CBLC: variants seen among roughly 807,000 people sequenced by gnomAD.
CBLC encodes the protein Cbl proto-oncogene C.
In CBLC, 46 loss-of-function variants were observed where a neutral mutation model predicts 58.6. That is an observed-to-expected ratio of 0.79 (90% CI 0.62 to 1.00). The LOEUF (loss-of-function observed/expected upper bound fraction) is 1.00. Among genes scored for constraint, CBLC ranks in the 50% least tolerant of loss-of-function variants. The pLI is 0.00. For synonymous variants in CBLC, 271 were observed against 264.2 expected, an observed-to-expected ratio of 1.03 and a Z score of -0.25; for missense variants, 655 against 625.8, an observed-to-expected ratio of 1.05 and a Z score of -0.50.
intron 5 of CBLC, among the ~76,000 whole-genome samples, chr19:44,785,733 C>G (rs1967886708): frequency 6.6e-6 from 1 of 151,816 alleles, no homozygotes; most frequent in East Asian, 1.9e-4. Flanking sequence ...ATCAGGAGTT[C>G]AAGAACAGCC....
intron 1 of CBLC, among the ~76,000 whole-genome samples, chr19:44,779,018 G>A (rs1967654248): frequency 2.6e-5 from 4 of 152,168 alleles, no homozygotes; most frequent in Admixed American, 2.0e-4. Flanking sequence ...CATTTCCTTG[G>A]TCACCCAGCA....
rs1173758687 is a variant in CBLC at position 44,782,247 on chromosome 19, G to T, written c.658-123G>T. 4 of 1,389,734 alleles carry T rather than the reference G, an allele frequency of 2.9e-6. No homozygotes were observed. In the African/African-American group the frequency reaches 5.7e-5, roughly 20 times the overall value. 86.1% of individuals were successfully genotyped at this position (1,389,734 alleles called of 1,614,324 possible). A position where few individuals can be genotyped will look rare whatever the true frequency, so the allele number is the denominator to read the frequency against. On this transcript the variant is annotated intron_variant, in intron 3 of 10. Transcript: ENST00000647358. ...AGAAGAGCTTGGGGTCTTGTAAAAGGGATATGCCTGAGGCCCACCATGGGT... is the reference window on the plus strand; with the variant it reads ...AGAAGAGCTTGGGGTCTTGTAAAAGTGATATGCCTGAGGCCCACCATGGGT...
intron 4 of CBLC, among the ~76,000 whole-genome samples, 168 bp downstream of exon 4, chr19:44,782,659 C>T (rs889594928): frequency 1.3e-5 from 2 of 152,088 alleles, no homozygotes; most frequent in South Asian, 2.1e-4. Flanking sequence ...CCTCCCAGCC[C>T]GCCTCTTCTC....
rs763685561 is a variant in CBLC, at chr19:44,797,574, C to CTTTTTT, written c.1363-2797_1363-2792dup. Among the ~76,000 whole-genome samples, 18 of 133,192 alleles carry CTTTTTT rather than the reference C, an allele frequency of 1.4e-4. 2 individuals carry two copies. Among genetic ancestry groups the CTTTTTT allele is most frequent in the East Asian group, 8.7e-4 (4 of 4,578 alleles). 87.4% of individuals were successfully genotyped at this position (133,192 alleles called of 152,430 possible). On this transcript the variant is annotated intron_variant, in intron 9 of 10. Coordinates refer to ENST00000647358, the MANE Select transcript of CBLC (RefSeq NM_012116.4). ...AACTTTTGCTATGTGCCTGGCATTG[C>CTTTTTT]TTTTTTTTTTTTTTTAAGATGGGGT...
chr19:44,797,505 C>G (rs12980982), intron 9 of CBLC, among the ~76,000 whole-genome samples: 2 of 151,878 alleles, frequency 1.3e-5, no homozygotes, highest in Non-Finnish European at 2.9e-5. Flanking sequence ...CCTGCCTCGG[C>G]CTTCTTAAGT....
chr19:44,796,429 G>A (rs1447062337), intron 9 of CBLC, among the ~76,000 whole-genome samples: 3 of 152,030 alleles, frequency 2.0e-5, no homozygotes, highest in African/African-American at 7.2e-5. Flanking sequence ...TGTTGCCCAG[G>A]CTGGAGTGAA....
intron 8 of CBLC, chr19:44,793,969 G>A (rs571579481): frequency 5.0e-4 from 117 of 235,730 alleles, no homozygotes; most frequent in African/African-American, 2.6e-3. Context: ...TAGGAGAGGA[G>A]GGGGCTGATA....
At chr19:44,780,617 C>T (rs920304659) in intron 1 of CBLC, among the ~76,000 whole-genome samples, 2 of 151,294 alleles carry the variant, frequency 1.3e-5, no homozygotes, top group East Asian at 1.9e-4. Flanking sequence ...GGATTATAGG[C>T]GGGCGCCACC....
intron 9 of CBLC, among the ~76,000 whole-genome samples, chr19:44,797,574 C>CTTTTTTTTTTTT (rs763685561): frequency 7.5e-6 from 1 of 133,214 alleles, no homozygotes; most frequent in East Asian, 2.2e-4. Context: ...CCTGGCATTG[C>CTTTTTTTTTTTT]TTTTTTTTTT....
rs978902564 is a variant in CBLC at position 44,799,581 on chromosome 19, C to T, written c.1363-800C>T. Among the ~76,000 whole-genome samples the T allele has an allele frequency of 3.0e-4, 45 of 152,128 alleles. 2 individuals carry two copies. Among genetic ancestry groups the T allele is most frequent in the Non-Finnish European group, 4.4e-5 (3 of 68,040 alleles). ...TCCTGACCTCAGGTGATCCACCCAC[C>T]TCGGCCTCCCAAAGTGCTGGGATTA... On this transcript the variant is annotated intron_variant, in intron 9 of 10. Coordinates refer to ENST00000647358, the MANE Select transcript of CBLC (RefSeq NM_012116.4).
rs754271195 is a variant in CBLC at position 44,781,290 on chromosome 19, GCAC to G, written c.590_592del (p.Thr197del). On this transcript the variant is annotated inframe_deletion, in exon 3 of 11. Coordinates refer to ENST00000647358, the MANE Select transcript of CBLC (RefSeq NM_012116.4). Reference sequence around the variant, plus strand: ...CCAGGCTGCACAGCCCTGGCCTTGCGCACCACCATTGACCTCACCTGCAGCGGG... The same window carrying G: ...CCAGGCTGCACAGCCCTGGCCTTGCGCACCATTGACCTCACCTGCAGCGGG... The G allele has an allele frequency of 3.0e-5, 49 of 1,613,566 alleles. No homozygotes were observed. In the African/African-American group the frequency reaches 5.5e-4, roughly 18 times the overall value.
chr19:44,791,763 T>C (rs1311594721), intron 6 of CBLC, among the ~76,000 whole-genome samples: 2 of 149,178 alleles, frequency 1.3e-5, no homozygotes, highest in African/African-American at 4.9e-5. Context: ...AGTGTAGACA[T>C]GTAGGAGGCC....
intron 9 of CBLC, among the ~76,000 whole-genome samples, chr19:44,799,818 G>A (rs187314812): frequency 7.4e-5 from 11 of 148,196 alleles, no homozygotes; most frequent in South Asian, 2.2e-4. Flanking sequence ...AGGAGAGAGC[G>A]AGAGAGAAAG....
intron 5 of CBLC, among the ~76,000 whole-genome samples, chr19:44,786,452 G>A (rs1270049928): frequency 6.6e-6 from 1 of 151,224 alleles, no homozygotes; most frequent in Non-Finnish European, 1.5e-5. Flanking sequence ...AAAATTAGCC[G>A]GGCGTGGTGG....
intron 9 of CBLC, among the ~76,000 whole-genome samples, chr19:44,794,823 A>G (rs1054052341): frequency 6.6e-6 from 1 of 151,920 alleles, no homozygotes; most frequent in Non-Finnish European, 1.5e-5. Flanking sequence ...GGGCCTTTGC[A>G]TAAGCTGTTC....
At chr19:44,800,038 G>T (rs1421577720) in intron 9 of CBLC, among the ~76,000 whole-genome samples, 29 of 152,130 alleles carry the variant, frequency 1.9e-4, no homozygotes, top group Admixed American at 1.9e-3. Context: ...AGAGGGAAAA[G>T]GCAGCATGGA....
chr19:44,784,764 C>T (rs1486102395), intron 5 of CBLC, among the ~76,000 whole-genome samples: 1 of 151,976 alleles, frequency 6.6e-6, no homozygotes, highest in African/African-American at 2.4e-5. Context: ...TGGGGTTTCG[C>T]CATGCTGCCC....
At chr19:44,779,176 T>C (rs1967657501) in intron 1 of CBLC, among the ~76,000 whole-genome samples, 1 of 152,204 alleles carries the variant, frequency 6.6e-6, no homozygotes, top group African/African-American at 2.4e-5. Flanking sequence ...GATCAGAACT[T>C]GGCCTGGTCT....
intron 6 of CBLC, among the ~76,000 whole-genome samples, chr19:44,791,363 A>G (rs1281524004): frequency 6.6e-6 from 1 of 152,022 alleles, no homozygotes; most frequent in Non-Finnish European, 1.5e-5. Flanking sequence ...TAGCAGCATC[A>G]GCATCCAATA....
Sources: gnomAD v4.1 joint callset for allele counts (sites outside exome capture counted in the v4.1 genomes callset) on GRCh38, gnomAD v4.1.1 for gene constraint, MANE v1.5 for transcripts, NCBI Gene and HGNC (gene_info 2026-07-23, HGNC 2026-07-21) for gene names.